The following INTS7 variants were observed in gnomAD, a reference collection of about 807,000 sequenced individuals.
The protein encoded by INTS7 is integrator complex subunit 7, also known as chromosome 1 open reading frame 73.
Under a neutral mutation model 109.2 loss-of-function variants are expected in INTS7, and 46 were observed. That is an observed-to-expected ratio of 0.42 (90% CI 0.33 to 0.54). The LOEUF is 0.54. Among genes scored for constraint, INTS7 ranks in the 20% least tolerant of loss-of-function variants. The pLI is 0.07. For missense variants in INTS7, 929 were observed against 1,132.4 expected, an observed-to-expected ratio of 0.82 and a Z score of 2.58; for synonymous variants, 412 against 402.9, an observed-to-expected ratio of 1.02 and a Z score of -0.27.
At chr1:211,943,527 T>C (rs974696875) in intron 19 of INTS7, among the ~76,000 whole-genome samples, 3 of 152,174 alleles carry the variant, frequency 2.0e-5, no homozygotes, top group African/African-American at 7.2e-5. Context: ...TAGTAAATAA[T>C]TTTTTCATCA....
At chr1:212,033,513 C>T (rs1429421729) in intron 1 of INTS7, among the ~76,000 whole-genome samples, 3 of 152,060 alleles carry the variant, frequency 2.0e-5, no homozygotes, top group African/African-American at 2.4e-5. Flanking sequence ...AAAATATTTT[C>T]ATTTCAACTC....
At chr1:211,973,842 A>G (rs1664282340) in intron 13 of INTS7, among the ~76,000 whole-genome samples, 2 of 152,148 alleles carry the variant, frequency 1.3e-5, no homozygotes, top group Non-Finnish European at 2.9e-5. Context: ...CTGTTGAATA[A>G]AATAACTCCA....
chr1:212,034,623 T>G (rs1209866107), intron 1 of INTS7, among the ~76,000 whole-genome samples: 4 of 152,232 alleles, frequency 2.6e-5, no homozygotes, highest in Non-Finnish European at 5.9e-5. Flanking sequence ...GAGGTATATC[T>G]CTTCAGCATT....
chr1:212,013,666 T>C (rs777522508), intron 4 of INTS7, among the ~76,000 whole-genome samples: 45 of 152,330 alleles, frequency 3.0e-4, no homozygotes, highest in Middle Eastern at 6.8e-3. Flanking sequence ...GTAAGTGCCC[T>C]ATACAGGAAT....
At chr1:211,973,784 T>C (rs1664280834) in intron 13 of INTS7, among the ~76,000 whole-genome samples, 1 of 152,232 alleles carries the variant, frequency 6.6e-6, no homozygotes, top group Non-Finnish European at 1.5e-5. Context: ...ATTTCCTGTT[T>C]TTCTTAATCC....
intron 1 of INTS7, 75 bp downstream of exon 1, chr1:212,035,269 C>A (rs901837125): frequency 1.9e-6 from 2 of 1,031,004 alleles, no homozygotes; most frequent in Non-Finnish European, 1.5e-6. Flanking sequence ...CCGTCTTCTC[C>A]CAAAGCAACC....
intron 7 of INTS7, among the ~76,000 whole-genome samples, chr1:211,992,741 G>C (rs1235737846): frequency 6.6e-6 from 1 of 152,142 alleles, no homozygotes; most frequent in African/African-American, 2.4e-5. Context: ...ATCCAAATCA[G>C]TAAGCTTAAC....
At position 211,959,993 on chromosome 1, in the gene INTS7, T is replaced by C. The variant is rs1267118209; in HGVS notation, c.2183+6437A>G. ...TATGCTGCTGTTGCTGCTGCTGGTATGTGCAACTGAGGATGGATCCTGCTG... is the reference window on the plus strand; with the variant it reads ...TATGCTGCTGTTGCTGCTGCTGGTACGTGCAACTGAGGATGGATCCTGCTG... On this transcript the variant is annotated intron_variant, in intron 16 of 19. Coordinates refer to ENST00000366994, the MANE Select transcript of INTS7 (RefSeq NM_015434.4). This position sits in a 1 kb window ranked among gnomAD's most constrained non-coding sequence, Gnocchi z 4.2. 6.6e-6 allele frequency among the ~76,000 whole-genome samples: 1 copy of C among 152,228 alleles called. No homozygotes were observed. Among genetic ancestry groups the C allele is most frequent in the African/African-American group, 2.4e-5 (1 of 41,444 alleles).
At chr1:212,011,922 A>G (rs1666182324) in intron 4 of INTS7, among the ~76,000 whole-genome samples, 1 of 152,198 alleles carries the variant, frequency 6.6e-6, no homozygotes, top group Admixed American at 6.5e-5. Flanking sequence ...GTGTAATAAT[A>G]TTTTTAAAAT....
intron 17 of INTS7, among the ~76,000 whole-genome samples, chr1:211,950,421 G>A (rs114044033): frequency 0.026 from 3,924 of 152,206 alleles, 57 homozygotes; most frequent in African/African-American, 0.045. Context: ...ACAGGTGCTT[G>A]ACATCATGCC....
intron 2 of INTS7, chr1:212,020,754 G>T: frequency 9.9e-7 from 1 of 1,014,534 alleles, no homozygotes; most frequent in South Asian, 4.3e-5. Flanking sequence ...TGCATCTCAT[G>T]CTATAAAATA....
intron 8 of INTS7, among the ~76,000 whole-genome samples, chr1:211,985,075 T>C (rs1255826368): frequency 6.6e-6 from 1 of 152,138 alleles, no homozygotes; most frequent in East Asian, 1.9e-4. Context: ...AAGTGGAAAG[T>C]CTGGGTTATC....
At chr1:211,951,242 C>T (rs79599588) in intron 17 of INTS7, among the ~76,000 whole-genome samples, 1,977 of 152,280 alleles carry the variant, frequency 0.013, 18 homozygotes, top group Middle Eastern at 0.041. Flanking sequence ...GAAGCTGCAA[C>T]CCCCAAGGTA....
At chr1:212,016,752 C>A in intron 4 of INTS7, 134 bp downstream of exon 4, 1 of 678,720 alleles carries the variant, frequency 1.5e-6, no homozygotes, top group Non-Finnish European at 2.5e-6. Context: ...TAAGGTAAAC[C>A]TTCTTGGAAA....
chr1:211,963,057 A>G (rs1317989218), intron 16 of INTS7, among the ~76,000 whole-genome samples: 1 of 152,200 alleles, frequency 6.6e-6, no homozygotes, highest in Non-Finnish European at 1.5e-5. Flanking sequence ...AAAAAATTCA[A>G]AAGATCAACA....
At chr1:212,029,779 A>G (rs1165324721) in intron 1 of INTS7, among the ~76,000 whole-genome samples, 3 of 152,240 alleles carry the variant, frequency 2.0e-5, no homozygotes, top group Non-Finnish European at 4.4e-5. Context: ...CATAACACGA[A>G]CATATCTTAA....
Position 211,946,674 on chromosome 1 carries a change from G to T in INTS7, c.2348C>A (p.Ala783Asp). The change falls in exon 18 of 20, where the codon GCT becomes GAT. Residue 783 changes from alanine (A) to aspartate (D), a missense_variant. Physicochemically the swap from Ala to Asp is moderately radical, Grantham distance 126. Coordinates refer to ENST00000366994, the MANE Select transcript of INTS7 (RefSeq NM_015434.4). This position sits in a 1 kb window ranked among gnomAD's most constrained non-coding sequence, Gnocchi z 4.3. Reference protein sequence around the residue: ...HTACLCNAIIALLKVPLSFQR... With the variant: ...HTACLCNAIIDLLKVPLSFQR... ...GAAAGAAAGGGGAACTTTCAGCAAA[G>T]CAATGATGGCATTGCAGAGGCATGC... is the stretch of plus-strand genomic sequence containing the variant. 6.2e-7 allele frequency: 1 copy of T among 1,613,318 alleles called. No individual in the cohort carries two copies. The highest frequency in any genetic ancestry group is 1.1e-5 in the South Asian group (1 of 91,064).
chr1:212,022,440 G>T (rs747421929), intron 1 of INTS7, among the ~76,000 whole-genome samples: 2 of 152,190 alleles, frequency 1.3e-5, no homozygotes, highest in South Asian at 2.1e-4. Flanking sequence ...CACAGTTGTT[G>T]TAATTCCATA....
intron 1 of INTS7, among the ~76,000 whole-genome samples, chr1:212,027,038 A>C (rs1666953597): frequency 6.6e-6 from 1 of 152,230 alleles, no homozygotes; most frequent in South Asian, 2.1e-4. Context: ...ATAGACTCTC[A>C]TTCCTCTGTA....
Sources: allele counts gnomAD v4.1 joint callset (sites outside exome capture counted in the v4.1 genomes callset), GRCh38; gene constraint gnomAD v4.1.1; non-coding constraint Gnocchi (gnomAD v3.1); transcripts MANE v1.5; gene names NCBI Gene and HGNC (gene_info 2026-07-23, HGNC 2026-07-21).